POFUT1: variants seen among roughly 807,000 people sequenced by gnomAD.
POFUT1 encodes GDP-fucose protein O-fucosyltransferase 1.
A neutral mutation model predicts 42.4 loss-of-function variants in POFUT1; 16 were observed. That is an observed-to-expected ratio of 0.38 (90% CI 0.26 to 0.57). POFUT1 has a LOEUF of 0.57. Among genes scored for constraint, POFUT1 ranks in the 20% least tolerant of loss-of-function variants. The probability of loss-of-function intolerance (pLI) is 0.71; values close to 1 mark genes in which losing one functional copy is unlikely to be tolerated. For synonymous variants in POFUT1, 206 were observed against 205.4 expected, an observed-to-expected ratio of 1.00 and a Z score of -0.03; for missense variants, 470 against 504.6, an observed-to-expected ratio of 0.93 and a Z score of 0.66.
rs780713516 is a variant in POFUT1 at position 32,210,045 on chromosome 20, C to T, written c.125-26C>T. The T allele has an allele frequency of 3.1e-6, 5 of 1,613,948 alleles. No individual in the cohort carries two copies. In the African/African-American group the frequency reaches 5.3e-5, roughly 17 times the overall value. On this transcript the variant is annotated intron_variant, in intron 1 of 6. Transcript: ENST00000375749. Reference sequence around the variant, plus strand: ...TATGCCCTCCATGCCCCAGGCCTCACCTCACCCGCAATGTACCATTTCCAG... The same window carrying T: ...TATGCCCTCCATGCCCCAGGCCTCATCTCACCCGCAATGTACCATTTCCAG...
At position 32,237,092 on chromosome 20, in the gene POFUT1, A is replaced by G. The variant is rs547900613; in HGVS notation, c.*2431A>G. The stretch of plus-strand genomic sequence containing the variant: ...CTGGGTACCTGCTGTGAGTCTGCCT[A>G]TGCCAGAAGGATTAAGGAGGGGAGG... On this transcript the variant is annotated 3_prime_UTR_variant, in exon 7 of 7. Transcript: ENST00000375749. The G allele has an allele frequency of 1.3e-5, 2 of 152,328 alleles. No individual in the cohort carries two copies. The highest frequency in any genetic ancestry group is 4.8e-5 in the African/African-American group (2 of 41,568). 9.4% of individuals were successfully genotyped at this position (152,328 alleles called of 1,614,324 possible). A position where few individuals can be genotyped will look rare whatever the true frequency, so the allele number is the denominator to read the frequency against.
intron 4 of POFUT1, chr20:32,217,466 G>A (rs946860810): frequency 5.0e-5 from 50 of 996,628 alleles, no homozygotes; most frequent in Non-Finnish European, 6.0e-5. Flanking sequence ...GTAAACAGAT[G>A]TAGAGAAATG....
At chr20:32,222,399 C>T (rs766775636) in intron 4 of POFUT1, among the ~76,000 whole-genome samples, 3 of 152,164 alleles carry the variant, frequency 2.0e-5, no homozygotes, top group African/African-American at 7.2e-5. Flanking sequence ...AGATGAAGCT[C>T]CAGCCATCAC....
chr20:32,208,901 G>GAAT (rs2047310708), intron 1 of POFUT1, among the ~76,000 whole-genome samples: 1 of 152,174 alleles, frequency 6.6e-6, no homozygotes, highest in African/African-American at 2.4e-5. Context: ...AGAGGATGAT[G>GAAT]AATACTAAGG....
chr20:32,220,197 G>A (rs2047384362), intron 4 of POFUT1, among the ~76,000 whole-genome samples: 1 of 152,180 alleles, frequency 6.6e-6, no homozygotes, highest in Non-Finnish European at 1.5e-5. Flanking sequence ...TACCACATTT[G>A]TGTATCTCTT....
chr20:32,212,463 G>A (rs966542276), intron 2 of POFUT1, among the ~76,000 whole-genome samples: 3 of 151,876 alleles, frequency 2.0e-5, no homozygotes, highest in Non-Finnish European at 4.4e-5. Context: ...ACAAGGTCTC[G>A]CTATGTTTCC....
Position 32,234,846 on chromosome 20 carries a change from T to C in POFUT1, c.*185T>C. 1 of 541,002 alleles carries C rather than the reference T, an allele frequency of 1.8e-6. No homozygotes were observed. Among genetic ancestry groups the C allele is most frequent in the South Asian group, 2.7e-5 (1 of 36,760 alleles). 33.5% of individuals were successfully genotyped at this position (541,002 alleles called of 1,614,324 possible). The stretch of plus-strand genomic sequence containing the variant: ...CGCTCCATATCCCAGGGCATAGGAC[T>C]TGCAGGTTCCTAGGAGCAGGAGCAT... On this transcript the variant is annotated 3_prime_UTR_variant, in exon 7 of 7. Transcript: ENST00000375749.
At chr20:32,222,575 T>G (rs935729743) in intron 4 of POFUT1, 3 of 984,780 alleles carry the variant, frequency 3.0e-6, no homozygotes, top group Non-Finnish European at 3.6e-6. Context: ...GTCTTTCTTT[T>G]TCTTTCCCCC....
intron 2 of POFUT1, among the ~76,000 whole-genome samples, chr20:32,211,887 C>T (rs1372912668): frequency 2.0e-5 from 3 of 152,204 alleles, no homozygotes; most frequent in Non-Finnish European, 4.4e-5. Context: ...ACAATCTAAC[C>T]TCTCAGCATT....
At chr20:32,208,583 G>T (rs1174789747) in intron 1 of POFUT1, among the ~76,000 whole-genome samples, 2 of 147,166 alleles carry the variant, frequency 1.4e-5, no homozygotes, top group East Asian at 4.0e-4. Context: ...TTGAGAGACC[G>T]AGGCAGGATC....
intron 5 of POFUT1, among the ~76,000 whole-genome samples, chr20:32,229,447 G>T (rs1182810619): frequency 6.6e-6 from 1 of 152,034 alleles, no homozygotes; most frequent in Non-Finnish European, 1.5e-5. Context: ...TCTCAATAGA[G>T]GCCAAGAAAG....
intron 1 of POFUT1, among the ~76,000 whole-genome samples, chr20:32,209,857 A>C (rs2047317632): frequency 6.6e-6 from 1 of 152,210 alleles, no homozygotes; most frequent in South Asian, 2.1e-4. Context: ...GGAAACAGCA[A>C]GAAACCTGGA....
chr20:32,222,275 C>T (rs1341105330), intron 4 of POFUT1, among the ~76,000 whole-genome samples: 2 of 152,162 alleles, frequency 1.3e-5, no homozygotes, highest in African/African-American at 4.8e-5. Context: ...TGCACTCTAG[C>T]TTGGGTGACA....
intron 1 of POFUT1, among the ~76,000 whole-genome samples, chr20:32,208,479 G>T (rs1280805823): frequency 1.3e-5 from 2 of 151,988 alleles, no homozygotes; most frequent in Non-Finnish European, 2.9e-5. Context: ...GATAAACTCC[G>T]TGTCCTTGTA....
rs570430475 is a variant in POFUT1 at position 32,225,779 on chromosome 20, A to T, written c.543-2484A>T. Among the ~76,000 whole-genome samples, 7 of 152,228 alleles carry T rather than the reference A, an allele frequency of 4.6e-5. No individual in the cohort carries two copies. In the South Asian group the frequency reaches 1.5e-3, roughly 32 times the overall value. Reference sequence around the variant, plus strand: ...TGCTGGGATTACAGAAGTGGCCACCACACCCAACCACAATTGAAAAAAAAC... The same window carrying T: ...TGCTGGGATTACAGAAGTGGCCACCTCACCCAACCACAATTGAAAAAAAAC... On this transcript the variant is annotated intron_variant, in intron 4 of 6. Transcript: ENST00000375749.
intron 2 of POFUT1, among the ~76,000 whole-genome samples, chr20:32,211,270 G>A (rs1306945609): frequency 3.1e-5 from 4 of 129,536 alleles, no homozygotes; most frequent in Middle Eastern, 3.5e-3. Flanking sequence ...TGATAATTTC[G>A]CACTCACTAT....
intron 4 of POFUT1, chr20:32,223,406 C>T (rs142939757): frequency 1.0e-6 from 1 of 985,396 alleles, no homozygotes; most frequent in East Asian, 1.1e-4. Flanking sequence ...ACTGGGACAG[C>T]TCTTTGCTGG....
intron 4 of POFUT1, chr20:32,222,598 G>C: frequency 3.0e-6 from 3 of 985,394 alleles, no homozygotes; most frequent in Non-Finnish European, 3.6e-6. Context: ...CTCGCCCGGG[G>C]TATGTTTGGC....
intron 1 of POFUT1, among the ~76,000 whole-genome samples, chr20:32,208,420 A>C (rs934462758): frequency 6.6e-6 from 1 of 152,168 alleles, no homozygotes; most frequent in African/African-American, 2.4e-5. Flanking sequence ...TGGGGCACCT[A>C]TTCTGTGCCG....
Sources: gnomAD v4.1 joint callset for allele counts (sites outside exome capture counted in the v4.1 genomes callset) on GRCh38, gnomAD v4.1.1 for gene constraint, MANE v1.5 for transcripts, NCBI Gene and HGNC (gene_info 2026-07-23, HGNC 2026-07-21) for gene names.